ELP2: variants seen among roughly 807,000 people sequenced by gnomAD.
ELP2 encodes elongator acetyltransferase complex subunit 2.
Under a neutral mutation model 119.2 loss-of-function variants are expected in ELP2, and 90 were observed. The ratio of observed to expected loss-of-function variants is 0.75; its 90% confidence interval spans 0.64 to 0.90. ELP2 has a LOEUF of 0.90. ELP2 is among the 40% of genes least tolerant of loss of function. ELP2 has a pLI of 0.00. For missense variants in ELP2, 921 were observed against 967.8 expected (o/e 0.95, Z 0.64); for synonymous variants, 339 against 331.0 (o/e 1.02, Z -0.26).
intron 1 of ELP2, among the ~76,000 whole-genome samples, chr18:36,130,631 A>T (rs2089578600): frequency 6.6e-6 from 1 of 152,168 alleles, no homozygotes; most frequent in Admixed American, 6.5e-5. Context: ...ACTTCCCTCG[A>T]CTTCACCCAG....
At chr18:36,171,938 T>C (rs900095010) in intron 21 of ELP2, among the ~76,000 whole-genome samples, 1 of 152,198 alleles carries the variant, frequency 6.6e-6, no homozygotes, top group Non-Finnish European at 1.5e-5. Context: ...CAGGCTGGTC[T>C]CCATATCCTG....
In ELP2 at chr18:36,137,952, G is replaced by C. The variant is rs117556103; in HGVS notation, c.289-318G>C. The C allele has an allele frequency of 3.6e-4, 112 of 313,696 alleles. 1 individual carries two copies. In the East Asian group the frequency reaches 7.7e-3, roughly 22 times the overall value. The allele number at this position is 313,696 out of a possible 1,614,324, so 19.4% of individuals were successfully genotyped here. ...TGGGATGTGCTTATGTAGTAATGCT[G>C]TCAAAATGTATATTCTGAATCTCTT... On this transcript the variant is annotated intron_variant, in intron 3 of 21. Transcript: ENST00000358232.
At chr18:36,173,351 A>C (rs2091139054) in intron 21 of ELP2, among the ~76,000 whole-genome samples, 1 of 152,214 alleles carries the variant, frequency 6.6e-6, no homozygotes, top group Non-Finnish European at 1.5e-5. Context: ...GCCTTTTATA[A>C]TATTACCTGT....
chr18:36,138,263 G>T lies in ELP2; in HGVS notation c.289-7G>T. On this transcript the variant is annotated splice_polypyrimidine_tract_variant and splice_region_variant and intron_variant, in intron 3 of 21. Transcript: ENST00000358232. ...TCACAATGCTTCTGTCATTCTTTCTGATTCAGCTTTTAAAAGCAGTGCATC... is the reference window on the plus strand; with the variant it reads ...TCACAATGCTTCTGTCATTCTTTCTTATTCAGCTTTTAAAAGCAGTGCATC... 1.2e-6 allele frequency: 2 copies of T among 1,613,892 alleles called. No homozygotes were observed. Among genetic ancestry groups the T allele is most frequent in the South Asian group, 2.2e-5 (2 of 91,046 alleles).
Position 36,180,114 on chromosome 18 carries a change from C to G in ELP2, c.*5473C>G, listed in dbSNP as rs1036814786. On this transcript the variant is annotated 3_prime_UTR_variant, in exon 22 of 22. Transcript: ENST00000358232. Reference sequence around the variant, plus strand: ...GGGTCAAGGACCCAGGCTCTTATTTCGCTGTCTGACGTCCTTAGTATGAGG... The same window carrying G: ...GGGTCAAGGACCCAGGCTCTTATTTGGCTGTCTGACGTCCTTAGTATGAGG... 1 of 152,248 alleles carries G rather than the reference C, an allele frequency of 6.6e-6. No individual in the cohort carries two copies. Among genetic ancestry groups the G allele is most frequent in the Non-Finnish European group, 1.5e-5 (1 of 68,060 alleles). The allele number at this position is 152,248 out of a possible 1,614,324, so 9.4% of individuals were successfully genotyped here.
intron 11 of ELP2, among the ~76,000 whole-genome samples, chr18:36,147,068 T>TA: frequency 6.6e-6 from 1 of 150,710 alleles, no homozygotes; most frequent in East Asian, 1.9e-4. Flanking sequence ...TCCTCATTTG[T>TA]AAAACATGGG....
intron 6 of ELP2, 155 bp downstream of exon 6, chr18:36,141,356 T>C: frequency 1.4e-6 from 1 of 692,372 alleles, no homozygotes; most frequent in Non-Finnish European, 2.6e-6. Context: ...TTAAGATGGT[T>C]GTCTACTCTG....
chr18:36,160,830 A>G (rs1290621666), intron 16 of ELP2, 102 bp from the exon 17 acceptor site: 3 of 756,930 alleles, frequency 4.0e-6, no homozygotes, highest in East Asian at 2.6e-5. Flanking sequence ...AGAATTGTAT[A>G]TTAGCTAGAG....
intron 13 of ELP2, among the ~76,000 whole-genome samples, chr18:36,157,820 G>A (rs1420404622): frequency 6.6e-6 from 1 of 152,184 alleles, no homozygotes; most frequent in Non-Finnish European, 1.5e-5. Flanking sequence ...CAAAAGGGAA[G>A]CCTTAATTGT....
At chr18:36,158,216 A>G (rs886989200) in intron 13 of ELP2, among the ~76,000 whole-genome samples, 1 of 152,096 alleles carries the variant, frequency 6.6e-6, no homozygotes, top group Admixed American at 6.6e-5. Context: ...TGTACAGAAC[A>G]CTCTTAGCAA....
intron 21 of ELP2, among the ~76,000 whole-genome samples, chr18:36,172,970 AT>A (rs2091127978): frequency 6.6e-6 from 1 of 152,208 alleles, no homozygotes; most frequent in East Asian, 1.9e-4. Context: ...TAGTAATAAG[AT>A]TTACAGAGGT....
Position 36,138,365 on chromosome 18 carries a change from A to G in ELP2, c.384A>G (p.Thr128=). The change falls in exon 4 of 22, where the codon ACA becomes ACG. Residue 128 remains threonine, a synonymous_variant. Transcript: ENST00000358232. ...GGACATCAGATCCTGCATTATGTAC[A>G]CTGATCGTTTCTGCAGCTGCAGATT... ...QRRTSDPALC[T]LIVSAAADSA... is the part of the protein sequence containing the mutation. The G allele has an allele frequency of 6.2e-7, 1 of 1,614,100 alleles. No homozygotes were observed. Among genetic ancestry groups the G allele is most frequent in the Non-Finnish European group, 8.5e-7 (1 of 1,179,994 alleles).
At chr18:36,147,074 A>AT (rs2090230303) in intron 11 of ELP2, among the ~76,000 whole-genome samples, 2 of 147,136 alleles carry the variant, frequency 1.4e-5, no homozygotes, top group Non-Finnish European at 3.0e-5. Flanking sequence ...TTTGTAAAAC[A>AT]TGGGTAGTTT....
Position 36,146,020 on chromosome 18 carries a change from A to G in ELP2, c.965A>G (p.Asp322Gly). ...AAAACCATGATTCTCTGGGCTCCAGATGAAGAGTCAGGAGTTTGGCTAGAA... is the reference window on the plus strand; with the variant it reads ...AAAACCATGATTCTCTGGGCTCCAGGTGAAGAGTCAGGAGTTTGGCTAGAA... The part of the protein sequence containing the change: ...MDKTMILWAP[D>G]EESGVWLEQV... The change falls in exon 10 of 22, where the codon GAT (aspartate) becomes GGT (glycine). Residue 322 changes from aspartate (D) to glycine (G), a missense_variant. By Grantham distance (94) the Asp-to-Gly change is moderately conservative. Coordinates refer to ENST00000358232, the MANE Select transcript of ELP2 (RefSeq NM_018255.4). The G allele has an allele frequency of 6.2e-7, 1 of 1,614,060 alleles. No homozygotes were observed. The highest frequency in any genetic ancestry group is 2.2e-5 in the East Asian group (1 of 44,874).
rs1338118868 is a variant in ELP2 at position 36,158,909 on chromosome 18, G to A, written c.1534+5G>A. On this transcript the variant is annotated splice_donor_5th_base_variant and intron_variant, in intron 14 of 21. Coordinates refer to ENST00000358232, the MANE Select transcript of ELP2 (RefSeq NM_018255.4). ...CAAATAAAGCTGTCTTTCAGGGTAA[G>A]GCTTTTGTCTTCAAAATTATTAAAC... The A allele has an allele frequency of 6.2e-7, 1 of 1,604,266 alleles. No individual in the cohort carries two copies. Among genetic ancestry groups the A allele is most frequent in the Non-Finnish European group, 8.5e-7 (1 of 1,171,122 alleles).
chr18:36,134,411 A>G (rs1030461009), intron 2 of ELP2, among the ~76,000 whole-genome samples: 4 of 152,334 alleles, frequency 2.6e-5, no homozygotes, highest in Non-Finnish European at 4.4e-5. Context: ...TAATAAAATC[A>G]TATGTTAAAG....
intron 17 of ELP2, among the ~76,000 whole-genome samples, chr18:36,161,290 G>A (rs570272031): frequency 4.5e-4 from 68 of 152,266 alleles, no homozygotes; most frequent in Admixed American, 1.4e-3. Flanking sequence ...CTACTCAGGA[G>A]GCTGAGACAT....
intron 17 of ELP2, among the ~76,000 whole-genome samples, chr18:36,162,642 A>T (rs1368669484): frequency 1.3e-5 from 2 of 152,174 alleles, no homozygotes; most frequent in Non-Finnish European, 2.9e-5. Flanking sequence ...AAGACAATTG[A>T]CATGCTGTGT....
intron 5 of ELP2, among the ~76,000 whole-genome samples, chr18:36,140,366 G>A (rs1251384230): frequency 2.0e-5 from 3 of 149,114 alleles, no homozygotes; most frequent in Non-Finnish European, 4.5e-5. Context: ...TTATTTTGGG[G>A]GATGGAGTCT....
Sources: allele counts gnomAD v4.1 joint callset (sites outside exome capture counted in the v4.1 genomes callset), GRCh38; gene constraint gnomAD v4.1.1; transcripts MANE v1.5; gene names NCBI Gene and HGNC (gene_info 2026-07-23, HGNC 2026-07-21).